NAV2: variants seen among roughly 807,000 people sequenced by gnomAD.
NAV2 encodes neuron navigator 2.
Under a neutral mutation model 223.2 loss-of-function variants are expected in NAV2, and 54 were observed. The ratio of observed to expected loss-of-function variants is 0.24; its 90% CI spans 0.19 to 0.30. NAV2 has a LOEUF of 0.30. NAV2 is among the 10% of genes least tolerant of loss of function. NAV2 has a pLI of 1.00. For synonymous variants in NAV2, 1,279 were observed against 1,239.3 expected (o/e 1.03, Z -0.67); for missense variants, 2,806 against 3,147.5 (o/e 0.89, Z 2.60).
chr11:19,998,709 C>A lies in NAV2; in HGVS notation c.2768+14462C>A, dbSNP rs565123412. On this transcript the variant is annotated intron_variant, in intron 11 of 37. Coordinates refer to ENST00000349880, the MANE Select transcript of NAV2 (RefSeq NM_145117.5). The surrounding 1 kb of genome is among the most constrained non-coding windows in gnomAD (Gnocchi z 5.0). ...CCCTCTGCATAGACTGTGCTTCCCC[C>A]CCTCTCTCCTTTTCTCCTTATAAGC... Among the ~76,000 whole-genome samples the A allele has an allele frequency of 6.6e-6, 1 of 152,088 alleles. No homozygotes were observed. The highest frequency in any genetic ancestry group is 1.5e-5 in the Non-Finnish European group (1 of 68,020).
At chr11:19,896,337 C>T (rs951122391) in intron 6 of NAV2, among the ~76,000 whole-genome samples, 12 of 152,166 alleles carry the variant, frequency 7.9e-5, no homozygotes, top group African/African-American at 2.7e-4. Flanking sequence ...CCACCTCCCA[C>T]CAGCAGCCCC....
At chr11:19,423,171 G>A (rs924482477) in intron 1 of NAV2, among the ~76,000 whole-genome samples, 1 of 152,174 alleles carries the variant, frequency 6.6e-6, no homozygotes, top group African/African-American at 2.4e-5. Context: ...CATTATTTTG[G>A]TAGCTTCAGC....
intron 4 of NAV2, among the ~76,000 whole-genome samples, chr11:19,873,549 T>A (rs550717524): frequency 6.6e-6 from 1 of 152,248 alleles, no homozygotes; most frequent in East Asian, 1.9e-4. Context: ...GTGAAACCAC[T>A]TGCTGATTTG....
At chr11:19,934,408 G>C in intron 7 of NAV2, 131 bp downstream of exon 7, 1 of 1,070,986 alleles carries the variant, frequency 9.3e-7, no homozygotes, top group Non-Finnish European at 1.3e-6. Context: ...AAGAAACCAC[G>C]TGATGAACTC....
chr11:19,352,826 T>C (rs75316135), intron 1 of NAV2, among the ~76,000 whole-genome samples: 2,346 of 152,318 alleles, frequency 0.015, 72 homozygotes, highest in African/African-American at 0.054. Context: ...GAGTTCCACA[T>C]TGCCCAGAGT....
At chr11:20,097,543 C>G (rs1398136965) in intron 30 of NAV2, 34 bp from the exon 31 acceptor site, 18 of 1,527,576 alleles carry the variant, frequency 1.2e-5, no homozygotes, top group Non-Finnish European at 1.6e-5. Context: ...TTAGCCACAT[C>G]TTTGATGGGG....
chr11:19,955,242 C>T (rs1324104381), intron 10 of NAV2, among the ~76,000 whole-genome samples: 1 of 151,956 alleles, frequency 6.6e-6, no homozygotes, highest in Non-Finnish European at 1.5e-5. Flanking sequence ...CCTGTTGCAA[C>T]AAATAATTTA....
intron 19 of NAV2, among the ~76,000 whole-genome samples, chr11:20,060,470 G>T (rs899759691): frequency 6.6e-6 from 1 of 152,222 alleles, no homozygotes; most frequent in African/African-American, 2.4e-5. Flanking sequence ...TTTTTTATGG[G>T]CATGAGTCAG....
chr11:20,094,223 C>CT (rs61099684), intron 29 of NAV2, among the ~76,000 whole-genome samples: 4,573 of 88,420 alleles, frequency 0.052, 78 homozygotes, highest in East Asian at 0.065. Flanking sequence ...TTTTCTTTAT[C>CT]TTTTTTTTTT....
At chr11:19,863,950 A>G (rs951291314) in intron 3 of NAV2, among the ~76,000 whole-genome samples, 5 of 152,346 alleles carry the variant, frequency 3.3e-5, no homozygotes, top group East Asian at 1.9e-4. Context: ...GCAAATAGCA[A>G]TATCAGGTAT....
chr11:19,469,028 TGAGATAATTCGTGGAATGCACCTA>T (rs2041874520), intron 1 of NAV2, among the ~76,000 whole-genome samples: 1 of 152,188 alleles, frequency 6.6e-6, no homozygotes, highest in African/African-American at 2.4e-5. Flanking sequence ...CATGATTAAA[TGAGATAATTCGTGGAATGCACCTA>T]GCATAGTACC....
intron 1 of NAV2, among the ~76,000 whole-genome samples, chr11:19,816,598 A>G (rs1268360650): frequency 6.6e-6 from 1 of 152,220 alleles, no homozygotes. Context: ...AAGAAGCTGC[A>G]TTTGAAGAGT....
intron 1 of NAV2, among the ~76,000 whole-genome samples, chr11:19,408,821 G>GGGGA (rs1310257010): frequency 2.7e-4 from 37 of 137,182 alleles, no homozygotes; most frequent in Middle Eastern, 3.6e-3. Context: ...TTTTCTGGCG[G>GGGGA]GGTGGGGGGA....
At chr11:19,825,431 C>T (rs1485577349) in intron 1 of NAV2, among the ~76,000 whole-genome samples, 3 of 151,166 alleles carry the variant, frequency 2.0e-5, no homozygotes, top group Non-Finnish European at 2.9e-5. Flanking sequence ...AGATGCTAAA[C>T]GACTGGTTTA....
chr11:19,437,036 C>G (rs1851241736), intron 1 of NAV2, among the ~76,000 whole-genome samples: 1 of 152,150 alleles, frequency 6.6e-6, no homozygotes, highest in African/African-American at 2.4e-5. Flanking sequence ...GACAGTTTCA[C>G]TTCTTCCTTT....
intron 1 of NAV2, among the ~76,000 whole-genome samples, chr11:19,747,097 T>G (rs1393728234): frequency 1.7e-5 from 2 of 115,584 alleles, no homozygotes; most frequent in African/African-American, 6.2e-5. Flanking sequence ...CCTGTGTCCA[T>G]GTGTTCTCAT....
intron 1 of NAV2, among the ~76,000 whole-genome samples, chr11:19,748,084 G>A (rs1353760456): frequency 2.0e-5 from 3 of 152,204 alleles, no homozygotes; most frequent in African/African-American, 2.4e-5. Context: ...GATGTCAAAC[G>A]AGGCAGCTCT....
intron 11 of NAV2, among the ~76,000 whole-genome samples, chr11:19,992,896 A>C (rs2051481232): frequency 6.6e-6 from 1 of 152,162 alleles, no homozygotes; most frequent in Admixed American, 6.6e-5. Context: ...CCCCACCTGA[A>C]GTACATTTTC....
chr11:20,040,632 T>C (rs1478629559), intron 12 of NAV2, among the ~76,000 whole-genome samples: 3 of 152,172 alleles, frequency 2.0e-5, no homozygotes, highest in South Asian at 2.1e-4. Context: ...TGAAGTCCCT[T>C]GTGCGTGGCT....
Sources: gnomAD v4.1 joint callset for allele counts (sites outside exome capture counted in the v4.1 genomes callset) on GRCh38, gnomAD v4.1.1 for gene constraint, Gnocchi (gnomAD v3.1) non-coding constraint, MANE v1.5 for transcripts, NCBI Gene and HGNC (gene_info 2026-07-23, HGNC 2026-07-21) for gene names.